Variants in ZDHHC5 observed in about 807,000 individuals in gnomAD.
ZDHHC5 encodes the protein zDHHC palmitoyltransferase 5.
In ZDHHC5, 22 loss-of-function variants were observed where a neutral mutation model predicts 70.0. That is an observed-to-expected ratio of 0.31 (90% CI 0.22 to 0.45). The LOEUF is 0.45. ZDHHC5 is among the 20% of genes least tolerant of loss of function. ZDHHC5 has a pLI of 1.00. For missense variants in ZDHHC5, 746 were observed against 926.9 expected, an observed-to-expected ratio of 0.80 and a Z score of 2.53; for synonymous variants, 313 against 347.8, an observed-to-expected ratio of 0.90 and a Z score of 1.11.
At chr11:57,686,338 G>A (rs1946207655) in intron 3 of ZDHHC5, among the ~76,000 whole-genome samples, 1 of 151,502 alleles carries the variant, frequency 6.6e-6, no homozygotes, top group African/African-American at 2.4e-5. Context: ...TTTTGAGACA[G>A]AGTCTCACTC....
intron 2 of ZDHHC5, among the ~76,000 whole-genome samples, chr11:57,678,686 C>T (rs1340241860): frequency 6.6e-6 from 1 of 151,938 alleles, no homozygotes. Context: ...CGAGACCAGC[C>T]TGGCCAACAT....
rs555436683 is a variant in ZDHHC5, at chr11:57,684,373, C to T, written c.226+1830C>T. Among the ~76,000 whole-genome samples the T allele has an allele frequency of 3.3e-5, 5 of 152,202 alleles. No individual in the cohort carries two copies. The South Asian group carries it at 6.2e-4, about 19-fold the overall frequency. Reference sequence around the variant, plus strand: ...CTGAGGTGGGCAGATCACCCGAGGTCGGGAGTTTGAGACCAGCCTGACCAA... The same window carrying T: ...CTGAGGTGGGCAGATCACCCGAGGTTGGGAGTTTGAGACCAGCCTGACCAA... On this transcript the variant is annotated intron_variant, in intron 3 of 11. Transcript: ENST00000287169.
At chr11:57,699,794 T>G (rs1416152865) in intron 11 of ZDHHC5, 72 bp from the exon 12 acceptor site, 3 of 1,586,998 alleles carry the variant, frequency 1.9e-6, no homozygotes, top group Non-Finnish European at 2.6e-6. Context: ...TCTCTGAACC[T>G]TTGAAACTGT....
intron 2 of ZDHHC5, among the ~76,000 whole-genome samples, chr11:57,674,781 A>G (rs1946049880): frequency 6.6e-6 from 1 of 152,208 alleles, no homozygotes; most frequent in South Asian, 2.1e-4. Flanking sequence ...GTTTTTAAAG[A>G]AGGAGAGAAA....
Position 57,699,130 on chromosome 11 carries a change from G to T in ZDHHC5, c.1694G>T (p.Gly565Val), listed in dbSNP as rs763955816. 2 of 1,614,226 alleles carry T rather than the reference G, an allele frequency of 1.2e-6. No individual in the cohort carries two copies. Among genetic ancestry groups the T allele is most frequent in the East Asian group, 2.2e-5 (1 of 44,880 alleles). ...CTCCCGGGCCGTGAGGAAGAACCAG[G>T]CTTGGGGGACTCAGGCATTCAGTCA... ...PPLPGREEEP[G>V]LGDSGIQSTP... is the part of the protein sequence containing the mutation. Residue 565 changes from glycine (G) to valine (V), a missense_variant, in exon 11 of 12, where the codon GGC (glycine) becomes GTC (valine). This residue lies in a region of ZDHHC5 where 340 missense variants were observed against 350.1 expected (regional missense o/e 0.97). Coordinates refer to ENST00000287169, the MANE Select transcript of ZDHHC5 (RefSeq NM_015457.3).
At chr11:57,693,998 T>G in intron 8 of ZDHHC5, 83 bp downstream of exon 8, 1 of 1,416,410 alleles carries the variant, frequency 7.1e-7, no homozygotes, top group Non-Finnish European at 9.2e-7. Flanking sequence ...TAGTTTCCTT[T>G]GTGTTTTTTT....
chr11:57,673,991 A>C (rs921312323), intron 2 of ZDHHC5, among the ~76,000 whole-genome samples: 12 of 152,196 alleles, frequency 7.9e-5, no homozygotes, highest in East Asian at 3.8e-4. Context: ...TACACCAATG[A>C]GAGAGTTTTG....
rs995669707 is a variant in ZDHHC5, at chr11:57,672,289, A to G, written c.-802A>G. 7.5e-6 allele frequency: 3 copies of G among 398,364 alleles called. No individual in the cohort carries two copies. The highest frequency in any genetic ancestry group is 4.1e-5 in the African/African-American group (2 of 48,642). The allele number at this position is 398,364 out of a possible 1,614,324, so 24.7% of individuals were successfully genotyped here. A position where few individuals can be genotyped will look rare whatever the true frequency, so the allele number is the denominator to read the frequency against. ...CCTTAAAGGGCTTGGGAATAACAAG[A>G]AGAGATTGAAGACAGAGAAGCTTGC... On this transcript the variant is annotated 5_prime_UTR_variant, in exon 2 of 12. Transcript: ENST00000287169.
intron 3 of ZDHHC5, among the ~76,000 whole-genome samples, chr11:57,683,374 G>A (rs1037435087): frequency 5.3e-5 from 8 of 152,182 alleles, no homozygotes; most frequent in Non-Finnish European, 1.2e-4. Context: ...TGAATTCAAG[G>A]CTGGATTTAC....
intron 6 of ZDHHC5, among the ~76,000 whole-genome samples, 174 bp from the exon 7 acceptor site, chr11:57,692,437 G>A (rs1415564853): frequency 6.6e-6 from 1 of 152,202 alleles, no homozygotes; most frequent in Non-Finnish European, 1.5e-5. Flanking sequence ...TTGAACTAAG[G>A]ACCCTGACTG....
In ZDHHC5 at chr11:57,701,041, C is replaced by T. The variant is rs1946436743; in HGVS notation, c.*1010C>T. 1 of 152,712 alleles carries T rather than the reference C, an allele frequency of 6.5e-6. No individual in the cohort carries two copies. Among genetic ancestry groups the T allele is most frequent in the Admixed American group, 6.5e-5 (1 of 15,288 alleles). 9.5% of individuals were successfully genotyped at this position (152,712 alleles called of 1,614,324 possible). ...TTGGGGGTTACCCCTCAGCCCACCT[C>T]ACTATGGTGCTGGGTAGAGGGGATA... On this transcript the variant is annotated 3_prime_UTR_variant, in exon 12 of 12. Coordinates refer to ENST00000287169, the MANE Select transcript of ZDHHC5 (RefSeq NM_015457.3).
Position 57,682,553 on chromosome 11 carries a change from G to A in ZDHHC5, c.226+10G>A. On this transcript the variant is annotated intron_variant, in intron 3 of 11. Transcript: ENST00000287169. ...GGGATTTTCCCTCGAGGTAAGATCTGCTTCTCTCTTAGAAGCACCTTACAC... is the reference window on the plus strand; with the variant it reads ...GGGATTTTCCCTCGAGGTAAGATCTACTTCTCTCTTAGAAGCACCTTACAC... The A allele has an allele frequency of 1.2e-6, 2 of 1,613,666 alleles. No individual in the cohort carries two copies. The highest frequency in any genetic ancestry group is 1.7e-6 in the Non-Finnish European group (2 of 1,179,784).
intron 6 of ZDHHC5, 111 bp from the exon 7 acceptor site, chr11:57,692,500 T>C (rs1946297250): frequency 1.2e-6 from 1 of 847,106 alleles, no homozygotes; most frequent in South Asian, 1.6e-5. Flanking sequence ...GTTTTACTCA[T>C]TTGCATAGCC....
rs754502306 is a variant in ZDHHC5, at chr11:57,698,620, G to C, written c.1184G>C (p.Ser395Thr). Reference sequence around the variant, plus strand: ...ATTGCAGAGAGCAGCCGTCACCCCAGCTACCGCTCAGAGCCCAGCTTGGAA... The same window carrying C: ...ATTGCAGAGAGCAGCCGTCACCCCACCTACCGCTCAGAGCCCAGCTTGGAA... ...TSIAESSRHPSYRSEPSLEPE... is the reference protein window; with the variant it reads ...TSIAESSRHPTYRSEPSLEPE... Residue 395 changes from serine (S) to threonine (T), a missense_variant, in exon 11 of 12, where the codon AGC becomes ACC. Ser to Thr is a moderately conservative substitution (Grantham distance 58). This residue lies in a region of ZDHHC5 where 179 missense variants were observed against 178.4 expected (regional missense o/e 1.00). Transcript: ENST00000287169. The C allele has an allele frequency of 6.2e-7, 1 of 1,614,060 alleles. No individual in the cohort carries two copies. The highest frequency in any genetic ancestry group is 8.5e-7 in the Non-Finnish European group (1 of 1,179,978).
chr11:57,676,909 ATTTTTTTTTTTTTTTTTTTTT>A (rs72474322), intron 2 of ZDHHC5, among the ~76,000 whole-genome samples: 7 of 80,984 alleles, frequency 8.6e-5, no homozygotes, highest in African/African-American at 3.7e-4. Context: ...GCTTCACGTG[ATTTTTTTTTTTTTTTTTTTTT>A]TTTTTTTTTG....
At position 57,699,104 on chromosome 11, in the gene ZDHHC5, A is replaced by G. The variant is rs200996194; in HGVS notation, c.1668A>G (p.Pro556=). The change falls in exon 11 of 12, where the codon CCA becomes CCG. Residue 556 remains proline, a synonymous_variant. Coordinates refer to ENST00000287169, the MANE Select transcript of ZDHHC5 (RefSeq NM_015457.3). ...AGAAGTTGCTGCGCCAGTCACCCCC[A>G]CTCCCGGGCCGTGAGGAAGAACCAG... The part of the protein sequence containing the change: ...EREKLLRQSP[P]LPGREEEPGL... The G allele has an allele frequency of 6.8e-6, 11 of 1,612,888 alleles. No individual in the cohort carries two copies. The East Asian group carries it at 1.6e-4, about 23-fold the overall frequency.
chr11:57,675,240 T>A (rs1429603793), intron 2 of ZDHHC5, among the ~76,000 whole-genome samples: 1 of 152,242 alleles, frequency 6.6e-6, no homozygotes, highest in Admixed American at 6.5e-5. Context: ...GCAAAGCCTT[T>A]GGAGAAGGAA....
At position 57,700,539 on chromosome 11, in the gene ZDHHC5, A is replaced by C. The variant is rs2135409506; in HGVS notation, c.*508A>C. 1 of 152,496 alleles carries C rather than the reference A, an allele frequency of 6.6e-6. No homozygotes were observed. Among genetic ancestry groups the C allele is most frequent in the African/African-American group, 2.4e-5 (1 of 41,492 alleles). 9.4% of individuals were successfully genotyped at this position (152,496 alleles called of 1,614,324 possible). ...TTCCCATTCCTCAGACCAGCAGGAA[A>C]AGAGGGGAGACGTCAGTCTTTTTCC... is the stretch of plus-strand genomic sequence containing the variant. On this transcript the variant is annotated 3_prime_UTR_variant, in exon 12 of 12. Coordinates refer to ENST00000287169, the MANE Select transcript of ZDHHC5 (RefSeq NM_015457.3).
Position 57,700,237 on chromosome 11 carries a change from C to G in ZDHHC5, c.*206C>G. On this transcript the variant is annotated 3_prime_UTR_variant, in exon 12 of 12. Transcript: ENST00000287169. ...CCTGAGACTGGGGTAGCAACCCCCC[C>G]TTTTATCTTTTAAGACCTTCCCTTC... 1 of 515,660 alleles carries G rather than the reference C, an allele frequency of 1.9e-6. No individual in the cohort carries two copies. The highest frequency in any genetic ancestry group is 3.5e-5 in the East Asian group (1 of 28,500). The allele number at this position is 515,660 out of a possible 1,614,324, so 31.9% of individuals were successfully genotyped here. A position where few individuals can be genotyped will look rare whatever the true frequency, so the allele number is the denominator to read the frequency against.
Sources: allele counts gnomAD v4.1 joint callset (sites outside exome capture counted in the v4.1 genomes callset), GRCh38; gene constraint gnomAD v4.1.1; regional missense constraint gnomAD v4.1.1; transcripts MANE v1.5; gene names NCBI Gene and HGNC (gene_info 2026-07-23, HGNC 2026-07-21).